Variants in LAMA2 observed in about 807,000 individuals in gnomAD.
LAMA2 encodes laminin subunit alpha 2.
Under a neutral mutation model 364.8 loss-of-function variants are expected in LAMA2, and 269 were observed. That is an observed-to-expected ratio of 0.74 (90% confidence interval 0.67 to 0.82). LAMA2 has a LOEUF of 0.82. Among genes scored for constraint, LAMA2 ranks in the 40% least tolerant of loss-of-function variants. LAMA2 has a pLI of 0.00. For synonymous variants in LAMA2, 1,379 were observed against 1,370.6 expected (o/e 1.01, Z -0.14); for missense variants, 3,807 against 3,873.2 (o/e 0.98, Z 0.45).
intron 35 of LAMA2, among the ~76,000 whole-genome samples, chr6:129,383,931 G>A (rs980709241): frequency 1.3e-5 from 2 of 152,136 alleles, no homozygotes. Context: ...GCTTTTTGTT[G>A]TTTTTTGCTT....
intron 14 of LAMA2, among the ~76,000 whole-genome samples, chr6:129,253,067 CT>C (rs1786378888): frequency 6.6e-6 from 1 of 152,028 alleles, no homozygotes; most frequent in South Asian, 2.1e-4. Flanking sequence ...AACTACCTGA[CT>C]TGAACCAAAT....
rs541550119 is a variant in LAMA2 at position 128,914,055 on chromosome 6, C to A, written c.112+30698C>A. On this transcript the variant is annotated intron_variant, in intron 1 of 64. Transcript: ENST00000421865. ...TAATAAGAGAAGAGGCAAGCTAACTCCCTTATCCATTTTTTTCCTCAAGGT... is the reference window on the plus strand; with the variant it reads ...TAATAAGAGAAGAGGCAAGCTAACTACCTTATCCATTTTTTTCCTCAAGGT... Among the ~76,000 whole-genome samples, 32 of 152,192 alleles carry A rather than the reference C, an allele frequency of 2.1e-4. No individual in the cohort carries two copies. The South Asian group carries it at 2.3e-3, about 11-fold the overall frequency.
At chr6:129,338,688 C>T (rs555717065) in intron 29 of LAMA2, among the ~76,000 whole-genome samples, 1 of 152,166 alleles carries the variant, frequency 6.6e-6, no homozygotes, top group Non-Finnish European at 1.5e-5. Flanking sequence ...CATCGAATGC[C>T]TCCCATGTTT....
intron 35 of LAMA2, among the ~76,000 whole-genome samples, chr6:129,388,442 A>G (rs1240251302): frequency 2.0e-5 from 3 of 152,166 alleles, no homozygotes; most frequent in African/African-American, 7.2e-5. Flanking sequence ...TAATTTAAAG[A>G]AATTATGTAT....
At chr6:129,269,695 A>T (rs1358792289) in intron 16 of LAMA2, among the ~76,000 whole-genome samples, 1 of 152,100 alleles carries the variant, frequency 6.6e-6, no homozygotes, top group South Asian at 2.1e-4. Context: ...TTTACAAAAA[A>T]ACAAGCAATT....
At chr6:129,404,486 A>G (rs1780146946) in intron 40 of LAMA2, among the ~76,000 whole-genome samples, 1 of 152,178 alleles carries the variant, frequency 6.6e-6, no homozygotes, top group South Asian at 2.1e-4. Context: ...CATTGTTCGT[A>G]ATACATTTGG....
intron 2 of LAMA2, among the ~76,000 whole-genome samples, chr6:129,054,623 T>C (rs1223170344): frequency 6.6e-6 from 1 of 150,560 alleles, no homozygotes; most frequent in Admixed American, 6.6e-5. Flanking sequence ...TATATACATA[T>C]ACTTATGTAT....
rs1320981442 is a variant in LAMA2 at position 129,004,398 on chromosome 6, TATA to T, written c.113-45512_113-45510del. Reference sequence around the variant, plus strand: ...TGCACATGTACCCTAAAACTTAGAGTATAATAATAAAAAAAAAAAAAAAAAAAA... The same window carrying T: ...TGCACATGTACCCTAAAACTTAGAGTATAATAAAAAAAAAAAAAAAAAAAA... On this transcript the variant is annotated intron_variant, in intron 1 of 64. Transcript: ENST00000421865. Among the ~76,000 whole-genome samples the T allele has an allele frequency of 5.3e-3, 443 of 83,730 alleles. 4 individuals are homozygous for T. The highest frequency in any genetic ancestry group is 0.013 in the African/African-American group (375 of 29,024). 54.9% of individuals were successfully genotyped at this position (83,730 alleles called of 152,430 possible).
At chr6:129,249,150 G>A (rs1455654751) in intron 12 of LAMA2, among the ~76,000 whole-genome samples, 1 of 152,170 alleles carries the variant, frequency 6.6e-6, no homozygotes, top group African/African-American at 2.4e-5. Flanking sequence ...ACCAGGAATT[G>A]CTGTCTGGTC....
intron 1 of LAMA2, among the ~76,000 whole-genome samples, chr6:128,900,850 G>A (rs562445552): frequency 1.3e-5 from 2 of 152,222 alleles, no homozygotes; most frequent in African/African-American, 4.8e-5. Context: ...AGGTATTTGA[G>A]CCATCAAGAA....
At chr6:129,388,893 G>A (rs925770225) in intron 35 of LAMA2, among the ~76,000 whole-genome samples, 4 of 152,148 alleles carry the variant, frequency 2.6e-5, no homozygotes, top group Non-Finnish European at 4.4e-5. Context: ...CATAGGTAGA[G>A]CCAAATCTGC....
chr6:129,403,126 G>A (rs551825535), intron 39 of LAMA2, among the ~76,000 whole-genome samples: 7 of 152,164 alleles, frequency 4.6e-5, no homozygotes, highest in South Asian at 2.1e-4. Flanking sequence ...ATTTAATAGC[G>A]GTGCTATTAG....
chr6:129,182,396 C>T (rs2115022531), intron 10 of LAMA2, among the ~76,000 whole-genome samples: 1 of 151,384 alleles, frequency 6.6e-6, no homozygotes, highest in Non-Finnish European at 1.5e-5. Context: ...AACATTTACC[C>T]CAAAAAACTC....
intron 4 of LAMA2, among the ~76,000 whole-genome samples, chr6:129,119,526 A>AT (rs890027687): frequency 6.6e-6 from 1 of 151,364 alleles, no homozygotes; most frequent in Admixed American, 6.6e-5. Context: ...ATTTTATTTT[A>AT]TTTTTTATTA....
At chr6:128,970,650 A>G (rs1229354003) in intron 1 of LAMA2, among the ~76,000 whole-genome samples, 1 of 152,222 alleles carries the variant, frequency 6.6e-6, no homozygotes, top group Non-Finnish European at 1.5e-5. Context: ...AAAATAGAAA[A>G]TTCAATTGTG....
intron 40 of LAMA2, among the ~76,000 whole-genome samples, chr6:129,418,934 T>C (rs1421945512): frequency 2.0e-5 from 3 of 152,168 alleles, no homozygotes; most frequent in East Asian, 1.9e-4. Context: ...GAAATAAGTA[T>C]ACATTGTGGA....
intron 34 of LAMA2, among the ~76,000 whole-genome samples, chr6:129,372,291 G>C (rs1472232743): frequency 1.3e-5 from 2 of 152,122 alleles, no homozygotes; most frequent in South Asian, 2.1e-4. Context: ...ACTCCTCTAT[G>C]CTTCACCTAT....
chr6:129,275,855 A>G (rs1010475144), intron 17 of LAMA2, among the ~76,000 whole-genome samples: 1 of 152,082 alleles, frequency 6.6e-6, no homozygotes, highest in Non-Finnish European at 1.5e-5. Context: ...TCCATTTTGC[A>G]GAATGGGAAA....
chr6:129,481,461 A>G lies in LAMA2; in HGVS notation c.7749+22A>G, dbSNP rs781738610. ...ACAGGTACCCTCACACCTAGCTGAT[A>G]ATGCATTTTCCCTAATGCTTATATA... On this transcript the variant is annotated intron_variant, in intron 55 of 64. Transcript: ENST00000421865. 14 of 1,598,570 alleles carry G rather than the reference A, an allele frequency of 8.8e-6. No homozygotes were observed. The African/African-American group carries it at 1.1e-4, about 12-fold the overall frequency.
Sources: gnomAD v4.1 joint callset for allele counts (sites outside exome capture counted in the v4.1 genomes callset) on GRCh38, gnomAD v4.1.1 for gene constraint, MANE v1.5 for transcripts, NCBI Gene and HGNC (gene_info 2026-07-23, HGNC 2026-07-21) for gene names.